Variants in SLC47A2 observed in about 807,000 individuals in gnomAD.
SLC47A2 encodes the protein solute carrier family 47 member 2.
In SLC47A2, 52 loss-of-function variants were observed where a neutral mutation model predicts 67.7. The observed-to-expected ratio is 0.77, with a 90% confidence interval of 0.61 to 0.97. The LOEUF (loss-of-function observed/expected upper bound fraction) is 0.97, where lower values mean the gene tolerates loss of function less well. SLC47A2 is among the 50% of genes least tolerant of loss of function. The pLI is 0.00. For missense variants in SLC47A2, 676 were observed against 712.3 expected (o/e 0.95, Z 0.58); for synonymous variants, 278 against 292.9 (o/e 0.95, Z 0.52).
intron 2 of SLC47A2, 105 bp downstream of exon 2, chr17:19,715,011 T>C: frequency 2.2e-6 from 3 of 1,353,528 alleles, no homozygotes; most frequent in Non-Finnish European, 3.1e-6. Context: ...ACGTGGGCTG[T>C]GTCTTCCCAT....
intron 3 of SLC47A2, 88 bp from the exon 4 acceptor site, chr17:19,714,061 A>C: frequency 6.6e-7 from 1 of 1,511,900 alleles, no homozygotes; most frequent in South Asian, 1.3e-5. Context: ...CAGCGGCGCC[A>C]GCGGTGTGTG....
At position 19,704,183 on chromosome 17, in the gene SLC47A2, G is replaced by A; in HGVS notation, c.910-5C>T. ...GATGCTGAGCCCCAAGGGAATCTGG[G>A]ATCAAAGATAAGAAAGCACTGTCAG... On this transcript the variant is annotated splice_polypyrimidine_tract_variant and splice_region_variant and intron_variant, in intron 10 of 16. Transcript: ENST00000433844. The A allele has an allele frequency of 1.9e-5, 31 of 1,600,706 alleles. No individual in the cohort carries two copies. Among genetic ancestry groups the A allele is most frequent in the Non-Finnish European group, 2.6e-5 (31 of 1,174,578 alleles).
At chr17:19,679,388 C>G (rs1428148098) in intron 16 of SLC47A2, among the ~76,000 whole-genome samples, 2 of 152,192 alleles carry the variant, frequency 1.3e-5, no homozygotes, top group African/African-American at 4.8e-5. Context: ...AGGACCAGCC[C>G]TGGGGCAGAG....
At chr17:19,708,268 C>T in intron 7 of SLC47A2, 34 bp downstream of exon 7, 2 of 1,607,530 alleles carry the variant, frequency 1.2e-6, no homozygotes, top group South Asian at 1.1e-5. Context: ...TGGGCAGTGT[C>T]CCCTGACCAG....
At chr17:19,704,545 AG>A in intron 10 of SLC47A2, 7 of 1,172,544 alleles carry the variant, frequency 6.0e-6, no homozygotes, top group South Asian at 1.8e-5. Context: ...AAGATATTTC[AG>A]CAGAAACCAC....
chr17:19,714,933 G>A lies in SLC47A2; in HGVS notation c.226-144C>T, dbSNP rs997984119. The A allele has an allele frequency of 6.1e-6, 8 of 1,313,790 alleles. No homozygotes were observed. In the Admixed American group the frequency reaches 1.1e-4, roughly 18 times the overall value. 81.4% of individuals were successfully genotyped at this position (1,313,790 alleles called of 1,614,324 possible). ...TCTGCTCAGCAGCCTCATGTGCTGT[G>A]TGCCCCAGGGCCAGACCGCCTCCAT... On this transcript the variant is annotated intron_variant, in intron 2 of 16. Transcript: ENST00000433844.
chr17:19,699,985 C>T (rs1666201897), intron 13 of SLC47A2, among the ~76,000 whole-genome samples: 1 of 152,148 alleles, frequency 6.6e-6, no homozygotes, highest in Admixed American at 6.5e-5. Flanking sequence ...CATTGATGAA[C>T]CTCAAAAACA....
At chr17:19,708,870 C>T in intron 5 of SLC47A2, 110 bp from the exon 6 acceptor site, 1 of 1,363,256 alleles carries the variant, frequency 7.3e-7, no homozygotes, top group Non-Finnish European at 1.0e-6. Flanking sequence ...GGGGAAATTA[C>T]TTCATCAAAG....
chr17:19,715,071 C>T, intron 2 of SLC47A2, 45 bp downstream of exon 2: 2 of 1,589,348 alleles, frequency 1.3e-6, no homozygotes, highest in Non-Finnish European at 1.7e-6. Context: ...GGTGGAGAAG[C>T]CTGGGGAGAG....
intron 13 of SLC47A2, among the ~76,000 whole-genome samples, chr17:19,696,857 T>G (rs1320043596): frequency 1.3e-5 from 2 of 152,168 alleles, no homozygotes; most frequent in African/African-American, 4.8e-5. Context: ...CCAGATCAAG[T>G]GACAACATCT....
intron 5 of SLC47A2, 47 bp downstream of exon 5, chr17:19,712,656 G>A: frequency 6.2e-7 from 1 of 1,601,766 alleles, no homozygotes. Context: ...CAAAAAGCCA[G>A]AATTTAGGGG....
chr17:19,717,542 C>G (rs1157590018), upstream of SLC47A2: 1 of 152,634 alleles, frequency 6.6e-6, no homozygotes, highest in African/African-American at 2.4e-5. Flanking sequence ...AGGAAGACAG[C>G]AGGCAGGCTG....
In SLC47A2 at chr17:19,715,058, C is replaced by A. The variant is rs528383853; in HGVS notation, c.225+58G>T. Reference sequence around the variant, plus strand: ...CACCCAAGACGGGCCCACCCGGGAACCCGGTGGAGAAGCCTGGGGAGAGAA... The same window carrying A: ...CACCCAAGACGGGCCCACCCGGGAAACCGGTGGAGAAGCCTGGGGAGAGAA... On this transcript the variant is annotated intron_variant, in intron 2 of 16. Coordinates refer to ENST00000433844, the MANE Select transcript of SLC47A2 (RefSeq NM_001099646.3). 5.7e-5 allele frequency: 89 copies of A among 1,570,020 alleles called. No individual in the cohort carries two copies. In the African/African-American group the frequency reaches 1.1e-3, roughly 20 times the overall value.
intron 13 of SLC47A2, 31 bp from the exon 14 acceptor site, chr17:19,681,701 C>T (rs774600603): frequency 6.3e-7 from 1 of 1,592,076 alleles, no homozygotes; most frequent in African/African-American, 1.3e-5. Flanking sequence ...GGGCAAGAGT[C>T]AGGATGATGA....
intron 4 of SLC47A2, 26 bp downstream of exon 4, chr17:19,713,799 A>G (rs777818468): frequency 6.3e-7 from 1 of 1,594,624 alleles, no homozygotes; most frequent in Non-Finnish European, 8.6e-7. Flanking sequence ...AGCAAGCCCC[A>G]CCTCCCCAGC....
intron 7 of SLC47A2, 118 bp downstream of exon 7, chr17:19,708,184 C>A: frequency 2.6e-6 from 3 of 1,164,712 alleles, no homozygotes; most frequent in Admixed American, 2.2e-5. Context: ...CTCCCCATAA[C>A]CCTCCACTTC....
intron 13 of SLC47A2, among the ~76,000 whole-genome samples, chr17:19,687,341 C>T (rs750637484): frequency 1.2e-4 from 18 of 152,080 alleles, no homozygotes; most frequent in Middle Eastern, 3.4e-3. Context: ...AGTGGAAAAA[C>T]ATCTAATAAA....
Position 19,704,701 on chromosome 17 carries a change from G to A in SLC47A2, c.910-523C>T, listed in dbSNP as rs1230268397. ...CAAGACGATGGCTGTGTCTCTGTGG[G>A]GAGTAGAGGGGAGGTGGGGGCTGTG... On this transcript the variant is annotated intron_variant, in intron 10 of 16. Transcript: ENST00000433844. The A allele has an allele frequency of 9.7e-6, 15 of 1,549,434 alleles. No homozygotes were observed. In the East Asian group the frequency reaches 3.7e-4, roughly 38 times the overall value.
At chr17:19,712,522 T>C (rs1212844837) in intron 5 of SLC47A2, among the ~76,000 whole-genome samples, 181 bp downstream of exon 5, 5 of 152,152 alleles carry the variant, frequency 3.3e-5, no homozygotes, top group African/African-American at 9.7e-5. Context: ...GAAAAACATG[T>C]TATACTATTT....
Sources: gnomAD v4.1 joint callset for allele counts (sites outside exome capture counted in the v4.1 genomes callset) on GRCh38, gnomAD v4.1.1 for gene constraint, MANE v1.5 for transcripts, NCBI Gene and HGNC (gene_info 2026-07-23, HGNC 2026-07-21) for gene names.